The following ZNHIT6 variants were observed in gnomAD, a reference collection of about 807,000 sequenced individuals.
ZNHIT6 encodes box C/D snoRNA protein 1.
ZNHIT6 carries 45 observed loss-of-function variants against 57.2 expected under a neutral mutation model. That is an observed-to-expected ratio of 0.79 (90% confidence interval 0.62 to 1.01). The LOEUF is 1.01. Ranked by LOEUF, ZNHIT6 falls within the 50% of genes least tolerant of loss-of-function variation. The pLI is 0.00. For missense variants in ZNHIT6, 528 were observed against 567.3 expected, an observed-to-expected ratio of 0.93 and a Z score of 0.70; for synonymous variants, 188 against 190.0, an observed-to-expected ratio of 0.99 and a Z score of 0.09.
rs933335774 is a variant in ZNHIT6, at chr1:85,651,276, G to A, written c.*2782C>T. 6.6e-6 allele frequency: 1 copy of A among 151,672 alleles called. No homozygotes were observed. Among genetic ancestry groups the A allele is most frequent in the Admixed American group, 6.6e-5 (1 of 15,198 alleles). 9.4% of individuals were successfully genotyped at this position (151,672 alleles called of 1,614,324 possible). A position where few individuals can be genotyped will look rare whatever the true frequency, so the allele number is the denominator to read the frequency against. On this transcript the variant is annotated 3_prime_UTR_variant, in exon 10 of 10. Transcript: ENST00000370574. ...GGCAGAGTCTCATTCTGTCACCCAG[G>A]CAGTGCCCAGGAATGCAGTGGAACA...
At chr1:85,689,155 G>T (rs914799056) in intron 5 of ZNHIT6, among the ~76,000 whole-genome samples, 6 of 152,120 alleles carry the variant, frequency 3.9e-5, no homozygotes, top group African/African-American at 1.4e-4. Flanking sequence ...AAAAAAATTT[G>T]TTCTACTGTC....
intron 7 of ZNHIT6, among the ~76,000 whole-genome samples, chr1:85,677,800 A>G (rs1031865220): frequency 2.6e-5 from 4 of 152,314 alleles, no homozygotes; most frequent in Middle Eastern, 3.4e-3. Flanking sequence ...TTTAAATACC[A>G]GGTTATTCTG....
chr1:85,687,702 T>A (rs1570317552), intron 5 of ZNHIT6, among the ~76,000 whole-genome samples: 1 of 152,258 alleles, frequency 6.6e-6, no homozygotes, highest in Middle Eastern at 3.4e-3. Flanking sequence ...CATTGACATA[T>A]CATGTCAATT....
At chr1:85,678,113 T>C (rs1661758185) in intron 7 of ZNHIT6, among the ~76,000 whole-genome samples, 1 of 152,204 alleles carries the variant, frequency 6.6e-6, no homozygotes, top group Non-Finnish European at 1.5e-5. Flanking sequence ...GAAACAGCTA[T>C]TTTAACCCAG....
chr1:85,682,991 C>T (rs1047408195), intron 5 of ZNHIT6, among the ~76,000 whole-genome samples: 4 of 152,060 alleles, frequency 2.6e-5, no homozygotes, highest in African/African-American at 9.7e-5. Context: ...CCAAGGTGGG[C>T]GCATCGTTTG....
intron 5 of ZNHIT6, 49 bp from the exon 6 acceptor site, chr1:85,680,953 T>C: frequency 7.2e-7 from 1 of 1,391,828 alleles, no homozygotes; most frequent in Non-Finnish European, 1.0e-6. Flanking sequence ...AATAAAAGTC[T>C]GGATGCAAAT....
Position 85,706,179 on chromosome 1 carries a change from C to T in ZNHIT6, c.830-16G>A. On this transcript the variant is annotated splice_polypyrimidine_tract_variant and intron_variant, in intron 3 of 9. Coordinates refer to ENST00000370574, the MANE Select transcript of ZNHIT6 (RefSeq NM_017953.4). ...AATCGATAATCTAAAAATTTCAAAA[C>T]AGAAGAATAAACAAGTGACATATAC... The T allele has an allele frequency of 1.2e-6, 2 of 1,612,536 alleles. No individual in the cohort carries two copies. The highest frequency in any genetic ancestry group is 1.7e-6 in the Non-Finnish European group (2 of 1,179,120).
intron 5 of ZNHIT6, among the ~76,000 whole-genome samples, chr1:85,685,954 C>T (rs1662021907): frequency 1.4e-5 from 2 of 143,528 alleles, no homozygotes; most frequent in Non-Finnish European, 3.1e-5. Flanking sequence ...TTTTAACATT[C>T]TTTTTTTTTT....
At chr1:85,676,627 G>A (rs1036714239) in intron 8 of ZNHIT6, among the ~76,000 whole-genome samples, 3 of 152,162 alleles carry the variant, frequency 2.0e-5, no homozygotes, top group Admixed American at 6.6e-5. Flanking sequence ...GTGTCTCAAG[G>A]AATAGGGAGG....
At chr1:85,682,228 G>A (rs1016326301) in intron 5 of ZNHIT6, among the ~76,000 whole-genome samples, 2 of 144,708 alleles carry the variant, frequency 1.4e-5, no homozygotes, top group South Asian at 2.2e-4. Flanking sequence ...GTTTCACTAC[G>A]TTCGCCAGGA....
At chr1:85,703,617 A>G (rs1240953879) in intron 4 of ZNHIT6, among the ~76,000 whole-genome samples, 1 of 152,190 alleles carries the variant, frequency 6.6e-6, no homozygotes, top group East Asian at 1.9e-4. Context: ...TCCTCTGTAT[A>G]TGATACCAAA....
chr1:85,707,777 G>A lies in ZNHIT6; in HGVS notation c.508C>T (p.Gln170Ter). The change falls in exon 1 of 10, where the codon CAA (glutamine) becomes TAA (stop). Residue 170 changes from glutamine (Q) to a stop codon, truncating the protein, a stop_gained. Coordinates refer to ENST00000370574, the MANE Select transcript of ZNHIT6 (RefSeq NM_017953.4). LOFTEE classifies it high-confidence loss of function. ...EIKQEEKFVG[Q>*]CIKEELMHGE... is the part of the protein sequence containing the mutation. The stretch of plus-strand genomic sequence containing the variant: ...TGCATCAATTCCTCTTTTATGCATT[G>A]ACCAACAAACTTCTCCTCCTGTTTT... 1 of 1,614,024 alleles carries A rather than the reference G, an allele frequency of 6.2e-7. No homozygotes were observed. Among genetic ancestry groups the A allele is most frequent in the Non-Finnish European group, 8.5e-7 (1 of 1,180,018 alleles).
chr1:85,685,771 C>T (rs567054764), intron 5 of ZNHIT6, among the ~76,000 whole-genome samples: 1 of 152,174 alleles, frequency 6.6e-6, no homozygotes, highest in East Asian at 1.9e-4. Context: ...GTTGCCCAGG[C>T]TGGTCTCCAA....
intron 4 of ZNHIT6, among the ~76,000 whole-genome samples, chr1:85,703,327 A>C (rs1384780477): frequency 6.6e-6 from 1 of 152,210 alleles, no homozygotes; most frequent in Non-Finnish European, 1.5e-5. Flanking sequence ...TTTGCCTTGA[A>C]AACAGCACTG....
Position 85,671,493 on chromosome 1 carries a change from C to G in ZNHIT6, c.1247+5743G>C, listed in dbSNP as rs146521467. ...TTTTTTTTTTCAAAATGAATTTGGT[C>G]AAAAGAAGCTGTTAAACAAATAAAC... On this transcript the variant is annotated intron_variant, in intron 8 of 9. Transcript: ENST00000370574. Among the ~76,000 whole-genome samples, 288 of 151,420 alleles carry G rather than the reference C, an allele frequency of 1.9e-3. 1 individual carries two copies. Among genetic ancestry groups the G allele is most frequent in the African/African-American group, 6.7e-3 (278 of 41,246 alleles).
rs1003325100 is a variant in ZNHIT6 at position 85,702,956 on chromosome 1, T to G, written c.916-696A>C. On this transcript the variant is annotated intron_variant, in intron 4 of 9. Transcript: ENST00000370574. ...TAAGAGGCAAAATATAAACGCAAGT[T>G]TTTTGTTAAGTGAATAGGGATCTAG... Among the ~76,000 whole-genome samples the G allele has an allele frequency of 1.8e-4, 27 of 152,320 alleles. No homozygotes were observed. The East Asian group carries it at 4.4e-3, about 25-fold the overall frequency.
chr1:85,671,463 A>G (rs1418936487), intron 8 of ZNHIT6, among the ~76,000 whole-genome samples: 1 of 151,804 alleles, frequency 6.6e-6, no homozygotes, highest in African/African-American at 2.4e-5. Context: ...TCTTAAAAAA[A>G]AAATTTTTTT....
intron 5 of ZNHIT6, among the ~76,000 whole-genome samples, chr1:85,700,327 T>C (rs1662494751): frequency 6.6e-6 from 1 of 152,148 alleles, no homozygotes; most frequent in East Asian, 1.9e-4. Context: ...AGAAATGGAT[T>C]CTAAAGCCTA....
intron 5 of ZNHIT6, among the ~76,000 whole-genome samples, chr1:85,693,339 G>A (rs944900524): frequency 5.3e-5 from 8 of 152,082 alleles, no homozygotes; most frequent in African/African-American, 1.9e-4. Context: ...AGCTTACAAC[G>A]TGAGTGAGTA....
Sources: allele counts gnomAD v4.1 joint callset (sites outside exome capture counted in the v4.1 genomes callset), GRCh38; gene constraint gnomAD v4.1.1; transcripts MANE v1.5; gene names NCBI Gene and HGNC (gene_info 2026-07-23, HGNC 2026-07-21).